Variants in SEMA5A observed in about 807,000 individuals in gnomAD.
SEMA5A encodes semaphorin-5A.
A neutral mutation model predicts 135.5 loss-of-function variants in SEMA5A; 55 were observed. The ratio of observed to expected loss-of-function variants is 0.41; its 90% CI spans 0.33 to 0.51. The LOEUF (loss-of-function observed/expected upper bound fraction) is 0.51, where lower values mean the gene tolerates loss of function less well. Ranked by LOEUF, SEMA5A falls within the 20% of genes least tolerant of loss-of-function variation. The pLI, the probability that SEMA5A is intolerant of heterozygous loss-of-function variation, is 0.37. For missense variants in SEMA5A, 1,290 were observed against 1,419.9 expected, an observed-to-expected ratio of 0.91 and a Z score of 1.47; for synonymous variants, 580 against 546.5, an observed-to-expected ratio of 1.06 and a Z score of -0.85.
chr5:9,171,111 T>C (rs1295082222), intron 11 of SEMA5A, among the ~76,000 whole-genome samples: 1 of 152,204 alleles, frequency 6.6e-6, no homozygotes, highest in South Asian at 2.1e-4. Context: ...TGCCTACACC[T>C]CCATCAATCC....
intron 6 of SEMA5A, among the ~76,000 whole-genome samples, chr5:9,236,208 G>C (rs1289391605): frequency 6.6e-6 from 1 of 152,150 alleles, no homozygotes; most frequent in Non-Finnish European, 1.5e-5. Context: ...GCATCACACA[G>C]AGCAACCCCT....
intron 5 of SEMA5A, among the ~76,000 whole-genome samples, chr5:9,303,318 G>A (rs753513383): frequency 5.1e-4 from 77 of 151,994 alleles, no homozygotes; most frequent in Middle Eastern, 6.8e-3. Flanking sequence ...GGGTTTCACC[G>A]TGTTAGCCAG....
chr5:9,438,326 T>C (rs1231381213), intron 1 of SEMA5A, among the ~76,000 whole-genome samples: 1 of 152,210 alleles, frequency 6.6e-6, no homozygotes, highest in Non-Finnish European at 1.5e-5. Context: ...TGAGTTTGTA[T>C]TTTTATTTAC....
rs183662765 is a variant in SEMA5A, at chr5:9,348,387, A to G, written c.125-10575T>C. On this transcript the variant is annotated intron_variant, in intron 3 of 22. Transcript: ENST00000382496. The stretch of plus-strand genomic sequence containing the variant: ...TTTATAAGATTATGCAAATTCATAT[A>G]TTATAACACAAACTAAGCATGACCC... Among the ~76,000 whole-genome samples the G allele has an allele frequency of 3.0e-3, 458 of 152,332 alleles. 2 individuals are homozygous for G. The highest frequency in any genetic ancestry group is 5.1e-3 in the Non-Finnish European group (345 of 68,012).
chr5:9,370,126 A>C lies in SEMA5A; in HGVS notation c.124+9697T>G, dbSNP rs114661743. Among the ~76,000 whole-genome samples, 1,102 of 152,360 alleles carry C rather than the reference A, an allele frequency of 7.2e-3. 18 individuals carry two copies. The highest frequency in any genetic ancestry group is 0.025 in the African/African-American group (1,045 of 41,572). On this transcript the variant is annotated intron_variant, in intron 3 of 22. Transcript: ENST00000382496. Reference sequence around the variant, plus strand: ...ATTAATGAACTGGGCCTCTGCTTTCATCTTTAAACAAGTAATTCTCTGTGC... The same window carrying C: ...ATTAATGAACTGGGCCTCTGCTTTCCTCTTTAAACAAGTAATTCTCTGTGC...
chr5:9,057,373 T>A (rs1045718015), intron 18 of SEMA5A, among the ~76,000 whole-genome samples: 2 of 152,242 alleles, frequency 1.3e-5, no homozygotes, highest in African/African-American at 4.8e-5. Context: ...AATGATCTCA[T>A]ACCAGGAAGC....
At chr5:9,169,062 G>A (rs1743768738) in intron 11 of SEMA5A, among the ~76,000 whole-genome samples, 1 of 151,978 alleles carries the variant, frequency 6.6e-6, no homozygotes, top group African/African-American at 2.4e-5. Context: ...AAATCCTGGG[G>A]GTCTAATGTA....
intron 11 of SEMA5A, among the ~76,000 whole-genome samples, chr5:9,155,605 C>T (rs1220192288): frequency 6.6e-6 from 1 of 152,208 alleles, no homozygotes; most frequent in Non-Finnish European, 1.5e-5. Context: ...AAGGCCCTGA[C>T]TGAATAAAAC....
rs532171734 is a variant in SEMA5A, at chr5:9,477,033, A to G, written c.-174-39181T>C. Among the ~76,000 whole-genome samples, 74 of 152,144 alleles carry G rather than the reference A, an allele frequency of 4.9e-4. 2 individuals are homozygous for G. In the Middle Eastern group the frequency reaches 0.01, roughly 21 times the overall value. ...AAGGGAGGGAGGAACCTGGTAGGAG[A>G]TGATTGGATCCTGGGAACAGTTTCC... is the stretch of plus-strand genomic sequence containing the variant. On this transcript the variant is annotated intron_variant, in intron 1 of 22. Transcript: ENST00000382496.
chr5:9,535,573 A>T (rs1017818265), intron 1 of SEMA5A, among the ~76,000 whole-genome samples: 1 of 63,568 alleles, frequency 1.6e-5, no homozygotes, highest in African/African-American at 8.7e-5. Flanking sequence ...TGTGTTGTTT[A>T]AAAAAAAAAT....
chr5:9,418,091 C>G (rs1166105189), intron 2 of SEMA5A, among the ~76,000 whole-genome samples: 1 of 152,130 alleles, frequency 6.6e-6, no homozygotes, highest in African/African-American at 2.4e-5. Context: ...ATTCTCCTGC[C>G]TCAGCCTCCC....
intron 18 of SEMA5A, among the ~76,000 whole-genome samples, chr5:9,060,723 A>C (rs1324592624): frequency 6.6e-6 from 1 of 152,130 alleles, no homozygotes; most frequent in African/African-American, 2.4e-5. Flanking sequence ...CAGAAACATT[A>C]TTGGGAGCCT....
intron 1 of SEMA5A, among the ~76,000 whole-genome samples, chr5:9,452,894 C>T (rs1440418366): frequency 3.3e-5 from 5 of 152,106 alleles, no homozygotes; most frequent in Admixed American, 1.3e-4. Flanking sequence ...GGGTCTAATA[C>T]ATCATCCAGG....
At chr5:9,400,248 C>G (rs1042299099) in intron 2 of SEMA5A, among the ~76,000 whole-genome samples, 1 of 152,130 alleles carries the variant, frequency 6.6e-6, no homozygotes, top group Non-Finnish European at 1.5e-5. Context: ...ATAGGTGCAG[C>G]AAACCACCAC....
intron 5 of SEMA5A, among the ~76,000 whole-genome samples, chr5:9,295,501 A>G (rs905807073): frequency 1.3e-5 from 2 of 152,190 alleles, no homozygotes; most frequent in Non-Finnish European, 2.9e-5. Context: ...ATAGTTGTCT[A>G]GGTGGTACAT....
intron 8 of SEMA5A, among the ~76,000 whole-genome samples, chr5:9,206,316 G>C (rs1746012542): frequency 6.6e-6 from 1 of 151,566 alleles, no homozygotes; most frequent in African/African-American, 2.4e-5. Context: ...GTATTACCGT[G>C]TTGTACAAAA....
At chr5:9,272,145 T>G (rs1198872707) in intron 5 of SEMA5A, among the ~76,000 whole-genome samples, 1 of 152,050 alleles carries the variant, frequency 6.6e-6, no homozygotes, top group Non-Finnish European at 1.5e-5. Context: ...CACAGCTGTC[T>G]GAGCTAGATG....
intron 8 of SEMA5A, among the ~76,000 whole-genome samples, chr5:9,213,367 A>T (rs1056648279): frequency 6.6e-6 from 1 of 152,218 alleles, no homozygotes; most frequent in African/African-American, 2.4e-5. Context: ...GGGAACTTTC[A>T]TTGTAGTGGT....
At chr5:9,519,216 A>C (rs965242644) in intron 1 of SEMA5A, among the ~76,000 whole-genome samples, 10 of 152,288 alleles carry the variant, frequency 6.6e-5, no homozygotes, top group African/African-American at 2.2e-4. Context: ...CCTGGTTGTG[A>C]CTTTTTTTTA....
Sources: allele counts gnomAD v4.1 joint callset (sites outside exome capture counted in the v4.1 genomes callset), GRCh38; gene constraint gnomAD v4.1.1; transcripts MANE v1.5; gene names NCBI Gene and HGNC (gene_info 2026-07-23, HGNC 2026-07-21).